RIT2: variants seen among roughly 807,000 people sequenced by gnomAD.
RIT2 encodes GTP-binding protein Rit2.
A neutral mutation model predicts 23.7 loss-of-function variants in RIT2; 24 were observed. The observed-to-expected ratio is 1.01, with a 90% CI of 0.73 to 1.43. The LOEUF is 1.43. Among genes scored for constraint, RIT2 ranks in the 40% most tolerant of loss-of-function variants. The pLI, the probability that RIT2 is intolerant of heterozygous loss-of-function variation, is 0.00. For missense variants in RIT2, 236 were observed against 266.9 expected (o/e 0.88, Z 0.81); for synonymous variants, 107 against 91.1 (o/e 1.17, Z -0.99).
At chr18:42,875,712 A>G (rs914319786) in intron 4 of RIT2, among the ~76,000 whole-genome samples, 1 of 152,082 alleles carries the variant, frequency 6.6e-6, no homozygotes, top group South Asian at 2.1e-4. Flanking sequence ...TAATAGACCT[A>G]TCAGTGAAGC....
chr18:42,746,397 A>G (rs182006902), intron 4 of RIT2, among the ~76,000 whole-genome samples: 147 of 152,294 alleles, frequency 9.7e-4, no homozygotes, highest in African/African-American at 3.5e-3. Context: ...GCAGTACCTT[A>G]CATGTAAAGA....
intron 1 of RIT2, among the ~76,000 whole-genome samples, chr18:43,077,331 G>A (rs1476476864): frequency 6.6e-6 from 1 of 152,138 alleles, no homozygotes; most frequent in African/African-American, 2.4e-5. Context: ...CCATCTATTA[G>A]GTAGCTAATA....
At chr18:42,989,353 T>C (rs1283618361) in intron 2 of RIT2, among the ~76,000 whole-genome samples, 1 of 152,170 alleles carries the variant, frequency 6.6e-6, no homozygotes, top group African/African-American at 2.4e-5. Context: ...GGCCATTCCA[T>C]GCTTCTAATT....
At chr18:42,920,276 C>T (rs985292371) in intron 4 of RIT2, among the ~76,000 whole-genome samples, 2 of 152,256 alleles carry the variant, frequency 1.3e-5, no homozygotes, top group South Asian at 4.1e-4. Flanking sequence ...CCATAAGACA[C>T]AGTGAGATTT....
chr18:42,936,759 C>G (rs1272043353), intron 3 of RIT2, among the ~76,000 whole-genome samples: 1 of 152,108 alleles, frequency 6.6e-6, no homozygotes, highest in Non-Finnish European at 1.5e-5. Flanking sequence ...CGCCTGTAAT[C>G]CCAGCATTTT....
intron 4 of RIT2, among the ~76,000 whole-genome samples, chr18:42,886,004 C>G (rs1908013640): frequency 6.6e-6 from 1 of 152,108 alleles, no homozygotes; most frequent in Non-Finnish European, 1.5e-5. Flanking sequence ...TATTAGTAAC[C>G]AGGATGTGTG....
chr18:42,779,296 T>C (rs897550275), intron 4 of RIT2, among the ~76,000 whole-genome samples: 2 of 152,122 alleles, frequency 1.3e-5, no homozygotes, highest in African/African-American at 2.4e-5. Flanking sequence ...AGCCATCCCA[T>C]TGAAATGTAA....
At chr18:42,867,188 G>T (rs895405310) in intron 4 of RIT2, among the ~76,000 whole-genome samples, 2 of 152,040 alleles carry the variant, frequency 1.3e-5, no homozygotes, top group Non-Finnish European at 2.9e-5. Context: ...ATTAAATGTG[G>T]CTGGTGACAA....
At chr18:42,789,408 A>G (rs1050230923) in intron 4 of RIT2, among the ~76,000 whole-genome samples, 5 of 152,186 alleles carry the variant, frequency 3.3e-5, no homozygotes, top group African/African-American at 1.2e-4. Flanking sequence ...TTGAATCTGT[A>G]GCTTGCTTTG....
chr18:43,113,902 T>G (rs1185102989), intron 1 of RIT2, among the ~76,000 whole-genome samples: 1 of 152,140 alleles, frequency 6.6e-6, no homozygotes, highest in African/African-American at 2.4e-5. Context: ...AATCTGTTTT[T>G]CTCTCTTCTT....
At chr18:43,059,104 T>C (rs1295859035) in intron 1 of RIT2, among the ~76,000 whole-genome samples, 1 of 145,494 alleles carries the variant, frequency 6.9e-6, no homozygotes, top group Non-Finnish European at 1.5e-5. Context: ...TTCCTCTATA[T>C]TTTTTTTTTC....
At chr18:43,084,094 C>CA (rs941425401) in intron 1 of RIT2, among the ~76,000 whole-genome samples, 2 of 151,942 alleles carry the variant, frequency 1.3e-5, no homozygotes, top group African/African-American at 2.4e-5. Context: ...AGACATTTCT[C>CA]AAAAAAAGAC....
chr18:43,039,496 G>T (rs1456383146), intron 1 of RIT2, among the ~76,000 whole-genome samples: 1 of 151,798 alleles, frequency 6.6e-6, no homozygotes, highest in East Asian at 1.9e-4. Context: ...TTACAGGCAT[G>T]TGACACCATG....
At chr18:43,085,383 G>A (rs1913259278) in intron 1 of RIT2, among the ~76,000 whole-genome samples, 1 of 151,958 alleles carries the variant, frequency 6.6e-6, no homozygotes, top group South Asian at 2.1e-4. Flanking sequence ...TTTTTAGCAA[G>A]TTTGAAATAC....
chr18:43,040,633 C>T (rs1297801511), intron 1 of RIT2, among the ~76,000 whole-genome samples: 1 of 152,068 alleles, frequency 6.6e-6, no homozygotes, highest in Non-Finnish European at 1.5e-5. Flanking sequence ...ATTACTGTAT[C>T]CACAGTCTAT....
intron 1 of RIT2, among the ~76,000 whole-genome samples, chr18:43,114,160 C>T (rs1437349948): frequency 6.6e-6 from 1 of 152,030 alleles, no homozygotes; most frequent in East Asian, 1.9e-4. Flanking sequence ...TTTTGCCTCC[C>T]TAGAAGAGAT....
chr18:42,950,529 A>C (rs1909825554), intron 3 of RIT2, among the ~76,000 whole-genome samples: 1 of 152,032 alleles, frequency 6.6e-6, no homozygotes, highest in Admixed American at 6.6e-5. Flanking sequence ...CAACTAAAAC[A>C]AAAAATGACA....
At chr18:42,794,717 T>TA (rs1914117061) in intron 4 of RIT2, among the ~76,000 whole-genome samples, 1 of 152,226 alleles carries the variant, frequency 6.6e-6, no homozygotes, top group Non-Finnish European at 1.5e-5. Flanking sequence ...GGAATTATTG[T>TA]ATGGTGCACG....
At chr18:43,018,903 G>A (rs957433676) in intron 2 of RIT2, among the ~76,000 whole-genome samples, 1 of 151,524 alleles carries the variant, frequency 6.6e-6, no homozygotes, top group Non-Finnish European at 1.5e-5. Context: ...GGAAAATAAA[G>A]AGCTCAATAT....
Sources: allele counts gnomAD v4.1 joint callset (sites outside exome capture counted in the v4.1 genomes callset), GRCh38; gene constraint gnomAD v4.1.1; transcripts MANE v1.5; gene names NCBI Gene and HGNC (gene_info 2026-07-23, HGNC 2026-07-21).